The following RNF2 variants were observed in gnomAD, a reference collection of about 807,000 sequenced individuals.
RNF2 encodes E3 ubiquitin-protein ligase RING2.
A neutral mutation model predicts 37.2 loss-of-function variants in RNF2; 6 were observed. That is an observed-to-expected ratio of 0.16 (90% CI 0.09 to 0.32). RNF2 has a LOEUF of 0.32. RNF2 is among the 10% of genes least tolerant of loss of function. The pLI is 1.00. For missense variants in RNF2, 251 were observed against 404.0 expected (o/e 0.62, Z 3.25); for synonymous variants, 133 against 132.7 (o/e 1.00, Z -0.02).
At chr1:185,074,325 C>T (rs768928450) in intron 1 of RNF2, among the ~76,000 whole-genome samples, 3 of 152,114 alleles carry the variant, frequency 2.0e-5, no homozygotes, top group Non-Finnish European at 2.9e-5. Context: ...TCTCCAAACT[C>T]TTTTCCCTCT....
chr1:185,088,587 A>G (rs771960370), intron 2 of RNF2, among the ~76,000 whole-genome samples: 16 of 151,948 alleles, frequency 1.1e-4, no homozygotes, highest in Admixed American at 6.6e-4. Context: ...GAAGTATTTC[A>G]AGGAGGATGT....
rs118037733 is a variant in RNF2 at position 185,053,446 on chromosome 1, C to T, written c.-3+7797C>T. 5.5e-3 allele frequency among the ~76,000 whole-genome samples: 832 copies of T among 152,064 alleles called. 31 individuals are homozygous for T. The East Asian group carries it at 0.085, about 16-fold the overall frequency. ...CAACTTTGGGCTCAAGTGATCCTCC[C>T]GCCTCAGCCGCCTTTGTAGCTGAGA... is the stretch of plus-strand genomic sequence containing the variant. On this transcript the variant is annotated intron_variant, in intron 1 of 6. Coordinates refer to ENST00000367510, the MANE Select transcript of RNF2 (RefSeq NM_007212.4).
intron 1 of RNF2, among the ~76,000 whole-genome samples, chr1:185,056,025 G>A (rs1650425209): frequency 6.6e-6 from 1 of 152,082 alleles, no homozygotes; most frequent in Non-Finnish European, 1.5e-5. Context: ...ATCTAGAATA[G>A]TAAATCTAAA....
chr1:185,099,723 A>G, intron 5 of RNF2, 68 bp from the exon 6 acceptor site: 3 of 1,329,318 alleles, frequency 2.3e-6, no homozygotes, highest in Admixed American at 4.3e-5. Context: ...TATTAGTTCC[A>G]TAATTTAAGT....
chr1:185,047,059 T>C (rs948189094), intron 1 of RNF2, among the ~76,000 whole-genome samples: 32 of 152,236 alleles, frequency 2.1e-4, no homozygotes, highest in Admixed American at 1.8e-3. Flanking sequence ...GATTGTACTC[T>C]TAAACTACTT....
intron 1 of RNF2, among the ~76,000 whole-genome samples, chr1:185,085,180 ACT>A (rs1379748934): frequency 2.5e-4 from 28 of 110,184 alleles, no homozygotes; most frequent in Middle Eastern, 9.6e-3. Context: ...ACAAAGTCTC[ACT>A]CTGTCACCCA....
At chr1:185,051,400 C>T (rs533829512) in intron 1 of RNF2, among the ~76,000 whole-genome samples, 40 of 152,110 alleles carry the variant, frequency 2.6e-4, no homozygotes, top group African/African-American at 9.6e-4. Context: ...AGTCTCTTTT[C>T]TTTTGTTAAA....
At chr1:185,082,345 C>CTTTTGTTTTTTTTTTTTTTTTTTTT (rs1651443527) in intron 1 of RNF2, among the ~76,000 whole-genome samples, 1 of 72,000 alleles carries the variant, frequency 1.4e-5, no homozygotes, top group Non-Finnish European at 2.9e-5. Context: ...CTCTGCAGAA[C>CTTTTGTTTTTTTTTTTTTTTTTTTT]TTTTTTTTTT....
intron 2 of RNF2, among the ~76,000 whole-genome samples, chr1:185,089,983 G>A (rs187207194): frequency 1.9e-3 from 283 of 152,188 alleles, no homozygotes; most frequent in African/African-American, 5.7e-3. Flanking sequence ...ATGCAGTGGC[G>A]TGATCGCGGC....
At chr1:185,055,851 A>C (rs1043442127) in intron 1 of RNF2, among the ~76,000 whole-genome samples, 1 of 149,504 alleles carries the variant, frequency 6.7e-6, no homozygotes, top group African/African-American at 2.5e-5. Flanking sequence ...TTGATCTTAA[A>C]ATTTTTAGTT....
rs1324855551 is a variant in RNF2 at position 185,065,955 on chromosome 1, CA to C, written c.-3+20307del. 1.9e-3 allele frequency among the ~76,000 whole-genome samples: 285 copies of C among 146,958 alleles called. 1 individual carries two copies. Among genetic ancestry groups the C allele is most frequent in the African/African-American group, 6.9e-3 (278 of 40,450 alleles). On this transcript the variant is annotated intron_variant, in intron 1 of 6. Transcript: ENST00000367510. ...AATACTACTTTCTGCTATACTGTCT[CA>C]TTTTTTTTTTTTTAGTATCAGCATC...
intron 1 of RNF2, among the ~76,000 whole-genome samples, chr1:185,050,213 A>T (rs985523489): frequency 7.2e-5 from 11 of 152,360 alleles, no homozygotes; most frequent in Admixed American, 1.3e-4. Context: ...AGAAAAATGA[A>T]TCGAAAAAGG....
intron 1 of RNF2, among the ~76,000 whole-genome samples, chr1:185,080,959 T>C (rs1651328046): frequency 6.6e-6 from 1 of 152,228 alleles, no homozygotes; most frequent in Non-Finnish European, 1.5e-5. Flanking sequence ...TGGGTTAGCA[T>C]TTGGAATTCT....
rs71101959 is a variant in RNF2 at position 185,076,268 on chromosome 1, G to GTTTTTTTTTTTTTTT, written c.-2-11258_-2-11244dup. Among the ~76,000 whole-genome samples, 67 of 27,344 alleles carry GTTTTTTTTTTTTTTT rather than the reference G, an allele frequency of 2.5e-3. 25 individuals are homozygous for GTTTTTTTTTTTTTTT. The highest frequency in any genetic ancestry group is 0.017 in the Middle Eastern group (1 of 58). The allele number at this position is 27,344 out of a possible 152,430, so 17.9% of individuals were successfully genotyped here. On this transcript the variant is annotated intron_variant, in intron 1 of 6. Coordinates refer to ENST00000367510, the MANE Select transcript of RNF2 (RefSeq NM_007212.4). ...TTTTCTTCTAGATCTTTTATGGGTT[G>GTTTTTTTTTTTTTTT]TTTTTTTTTTTTTTTTTTTTTTTTT...
At chr1:185,080,477 A>C (rs1025128145) in intron 1 of RNF2, among the ~76,000 whole-genome samples, 7 of 152,218 alleles carry the variant, frequency 4.6e-5, no homozygotes, top group African/African-American at 1.7e-4. Context: ...GTTCAGTGAC[A>C]TGTTCATAAG....
At chr1:185,076,265 GTTGTTTTTTTTTTTTT>G (rs1651151054) in intron 1 of RNF2, among the ~76,000 whole-genome samples, 3 of 39,540 alleles carry the variant, frequency 7.6e-5, no homozygotes, top group Non-Finnish European at 5.8e-5. Flanking sequence ...TCTTTTATGG[GTTGTTTTTTTTTTTTT>G]TTTTTTTTTT....
At chr1:185,046,746 T>A (rs1337439123) in intron 1 of RNF2, among the ~76,000 whole-genome samples, 1 of 152,252 alleles carries the variant, frequency 6.6e-6, no homozygotes, top group Non-Finnish European at 1.5e-5. Flanking sequence ...TTCAGTGTTC[T>A]AAACCGAGGA....
intron 1 of RNF2, among the ~76,000 whole-genome samples, chr1:185,067,813 C>T (rs945251356): frequency 3.4e-5 from 5 of 147,786 alleles, no homozygotes; most frequent in African/African-American, 5.0e-5. Context: ...CGGGTTCAAA[C>T]GATTCTCCTA....
intron 1 of RNF2, among the ~76,000 whole-genome samples, chr1:185,059,372 C>A (rs767514824): frequency 8.6e-5 from 13 of 152,032 alleles, no homozygotes; most frequent in Non-Finnish European, 2.9e-5. Flanking sequence ...AAATCTGTGC[C>A]TTATTGTAAT....
Sources: allele counts gnomAD v4.1 joint callset (sites outside exome capture counted in the v4.1 genomes callset), GRCh38; gene constraint gnomAD v4.1.1; transcripts MANE v1.5; gene names NCBI Gene and HGNC (gene_info 2026-07-23, HGNC 2026-07-21).